The following ARNT2 variants were observed in gnomAD, a reference collection of about 807,000 sequenced individuals.
The protein encoded by ARNT2 is aryl hydrocarbon receptor nuclear translocator 2.
A neutral mutation model predicts 91.7 loss-of-function variants in ARNT2; 36 were observed. The observed-to-expected ratio is 0.39, with a 90% CI of 0.30 to 0.52. The LOEUF is 0.52. ARNT2 is among the 20% of genes least tolerant of loss of function. ARNT2 has a pLI of 0.72. For synonymous variants in ARNT2, 365 were observed against 347.1 expected (o/e 1.05, Z -0.57); for missense variants, 775 against 939.3 (o/e 0.83, Z 2.29).
rs773401456 is a variant in ARNT2 at position 80,412,333 on chromosome 15, G to T, written c.31+7787G>T. On this transcript the variant is annotated intron_variant, in intron 1 of 18. Coordinates refer to ENST00000303329, the MANE Select transcript of ARNT2 (RefSeq NM_014862.4). ...GGTTGGAGCTCTTCTCCTAGCCCCT[G>T]CTGAGGAGTTGGTTGCTTTCTTCAC... Among the ~76,000 whole-genome samples the T allele has an allele frequency of 7.1e-4, 108 of 152,190 alleles. 2 individuals are homozygous for T. Among genetic ancestry groups the T allele is most frequent in the Admixed American group, 2.1e-3 (32 of 15,282 alleles).
At chr15:80,583,461 C>G (rs927127488) in intron 17 of ARNT2, among the ~76,000 whole-genome samples, 1 of 152,246 alleles carries the variant, frequency 6.6e-6, no homozygotes, top group Non-Finnish European at 1.5e-5. Flanking sequence ...GGCCACTGCA[C>G]CACTGTGGCC....
intron 10 of ARNT2, 93 bp downstream of exon 10, chr15:80,552,867 A>C: frequency 6.8e-7 from 1 of 1,478,386 alleles, no homozygotes; most frequent in Non-Finnish European, 9.2e-7. Context: ...CACAATGGCC[A>C]TGTGGAGAAA....
intron 5 of ARNT2, among the ~76,000 whole-genome samples, chr15:80,481,859 A>G (rs911981736): frequency 6.6e-6 from 1 of 152,136 alleles, no homozygotes; most frequent in Admixed American, 6.6e-5. Context: ...TCATCCTCCC[A>G]TGTAGCTGGG....
Position 80,558,422 on chromosome 15 carries a change from C to T in ARNT2, c.1164+3283C>T, listed in dbSNP as rs184206228. Among the ~76,000 whole-genome samples the T allele has an allele frequency of 2.3e-3, 351 of 150,974 alleles. 4 individuals carry two copies. Among genetic ancestry groups the T allele is most frequent in the African/African-American group, 8.3e-3 (342 of 40,990 alleles). On this transcript the variant is annotated intron_variant, in intron 11 of 18. Transcript: ENST00000303329. ...TGGCACAATCTCGGCTCACTGCAAC[C>T]TCCACCTTCCAGGTTCAAGTGATTC...
intron 8 of ARNT2, among the ~76,000 whole-genome samples, chr15:80,515,412 A>G (rs1728457783): frequency 6.6e-6 from 1 of 152,266 alleles, no homozygotes; most frequent in African/African-American, 2.4e-5. Flanking sequence ...ATAAAAAGCA[A>G]TGAAGTATTG....
intron 8 of ARNT2, among the ~76,000 whole-genome samples, chr15:80,524,279 A>G (rs747779874): frequency 1.8e-4 from 28 of 152,194 alleles, no homozygotes; most frequent in Admixed American, 1.4e-3. Flanking sequence ...AAAAAAATGG[A>G]CACTTTATGT....
At chr15:80,523,225 T>TG (rs1315861778) in intron 8 of ARNT2, among the ~76,000 whole-genome samples, 1 of 152,204 alleles carries the variant, frequency 6.6e-6, no homozygotes, top group East Asian at 1.9e-4. Context: ...TGTGGACCAC[T>TG]GGAAGGGAGA....
chr15:80,561,630 G>C (rs1898354149), intron 11 of ARNT2, among the ~76,000 whole-genome samples: 1 of 152,162 alleles, frequency 6.6e-6, no homozygotes, highest in Non-Finnish European at 1.5e-5. Flanking sequence ...GAACTCATCA[G>C]TTTTAAATTG....
chr15:80,410,860 T>G (rs980387947), intron 1 of ARNT2, among the ~76,000 whole-genome samples: 1 of 152,012 alleles, frequency 6.6e-6, no homozygotes, highest in Non-Finnish European at 1.5e-5. Context: ...TCTCTCTCTC[T>G]CTTTCTCTTT....
chr15:80,500,756 C>G (rs1157112028), intron 5 of ARNT2, among the ~76,000 whole-genome samples: 1 of 152,140 alleles, frequency 6.6e-6, no homozygotes, highest in Non-Finnish European at 1.5e-5. Flanking sequence ...GATTTGTGGG[C>G]CATGTTGTGT....
At chr15:80,504,167 ATAGAAACCCT>A (rs1897239166) in intron 5 of ARNT2, among the ~76,000 whole-genome samples, 1 of 152,190 alleles carries the variant, frequency 6.6e-6, no homozygotes, top group Non-Finnish European at 1.5e-5. Flanking sequence ...ATTTCAAATG[ATAGAAACCCT>A]TATGAAACGC....
At chr15:80,447,541 C>A (rs915340394) in intron 1 of ARNT2, among the ~76,000 whole-genome samples, 2 of 152,196 alleles carry the variant, frequency 1.3e-5, no homozygotes, top group African/African-American at 4.8e-5. Context: ...GTCTTTGGGA[C>A]TGTCACCTCC....
chr15:80,424,523 G>C (rs1403976911), intron 1 of ARNT2, among the ~76,000 whole-genome samples: 2 of 152,214 alleles, frequency 1.3e-5, no homozygotes, highest in Non-Finnish European at 2.9e-5. Context: ...CTTCCAGTCA[G>C]ATGTTGCCTC....
At chr15:80,493,351 C>T (rs61442181) in intron 5 of ARNT2, among the ~76,000 whole-genome samples, 1,656 of 23,828 alleles carry the variant, frequency 0.069, 37 homozygotes, top group African/African-American at 0.2. Context: ...CAGCAAGTGG[C>T]GGGGGGTGGG....
chr15:80,540,251 G>A lies in ARNT2; in HGVS notation c.878-10948G>A, dbSNP rs113651590. 1.3e-3 allele frequency among the ~76,000 whole-genome samples: 196 copies of A among 152,174 alleles called. 1 individual carries two copies. Among genetic ancestry groups the A allele is most frequent in the African/African-American group, 4.3e-3 (177 of 41,512 alleles). ...CTGCTAGACTGTTTTCTGAATAGTC[G>A]CACCATTTTACATTTCCACCAGCAG... is the stretch of plus-strand genomic sequence containing the variant. On this transcript the variant is annotated intron_variant, in intron 8 of 18. Transcript: ENST00000303329.
At chr15:80,438,771 C>A (rs1053707234) in intron 1 of ARNT2, among the ~76,000 whole-genome samples, 1 of 152,154 alleles carries the variant, frequency 6.6e-6, no homozygotes, top group Non-Finnish European at 1.5e-5. Context: ...CCCACTACGA[C>A]CTCCATCTCC....
chr15:80,584,667 C>G (rs1259326148), intron 17 of ARNT2, among the ~76,000 whole-genome samples: 3 of 152,226 alleles, frequency 2.0e-5, no homozygotes, highest in South Asian at 4.1e-4. Flanking sequence ...GACACACACC[C>G]TAGCCCAGCG....
intron 8 of ARNT2, among the ~76,000 whole-genome samples, chr15:80,532,557 A>G (rs528612033): frequency 2.0e-5 from 3 of 152,328 alleles, no homozygotes; most frequent in Admixed American, 2.0e-4. Context: ...GGACAGATGC[A>G]TGCTTTGCTC....
chr15:80,405,904 C>CAG lies in ARNT2; in HGVS notation c.31+1376_31+1377dup, dbSNP rs71690528. ...ATAAAATAGAAAAGAGAGAGAGAGA[C>CAG]AGAGAGAGAGAGAGAGAGACCTCAA... On this transcript the variant is annotated intron_variant, in intron 1 of 18. Transcript: ENST00000303329. Among the ~76,000 whole-genome samples, 602 of 146,110 alleles carry CAG rather than the reference C, an allele frequency of 4.1e-3. 4 individuals carry two copies. The highest frequency in any genetic ancestry group is 0.012 in the African/African-American group (452 of 37,956).
Sources: gnomAD v4.1 joint callset for allele counts (sites outside exome capture counted in the v4.1 genomes callset) on GRCh38, gnomAD v4.1.1 for gene constraint, MANE v1.5 for transcripts, NCBI Gene and HGNC (gene_info 2026-07-23, HGNC 2026-07-21) for gene names.